The following SCHIP1 variants were observed in gnomAD, a reference collection of about 807,000 sequenced individuals.
SCHIP1 encodes schwannomin interacting protein 1.
A neutral mutation model predicts 29.7 loss-of-function variants in SCHIP1; 8 were observed. That is an observed-to-expected ratio of 0.27 (90% CI 0.16 to 0.49). The LOEUF (loss-of-function observed/expected upper bound fraction) is 0.49, where lower values mean the gene tolerates loss of function less well. Ranked by LOEUF, SCHIP1 falls within the 20% of genes least tolerant of loss-of-function variation. The pLI is 0.99. For synonymous variants in SCHIP1, 76 were observed against 94.9 expected, an observed-to-expected ratio of 0.80 and a Z score of 1.16; for missense variants, 193 against 294.6, an observed-to-expected ratio of 0.66 and a Z score of 2.52.
chr3:159,500,957 T>G, the SCHIP1 span, among the ~76,000 whole-genome samples: 1 of 152,202 alleles, frequency 6.6e-6, no homozygotes, highest in Non-Finnish European at 1.5e-5. Flanking sequence ...AAATTAGGCC[T>G]TAATTCTTTT....
the SCHIP1 span, among the ~76,000 whole-genome samples, chr3:159,378,677 C>G: frequency 3.6e-3 from 545 of 152,282 alleles, 2 homozygotes; most frequent in African/African-American, 0.012. Flanking sequence ...TTAGCTCTCT[C>G]AGGCAGAAAA....
the SCHIP1 span, among the ~76,000 whole-genome samples, chr3:159,448,916 T>C: frequency 1.3e-5 from 2 of 152,222 alleles, no homozygotes. Flanking sequence ...TCTGACTTTT[T>C]ATATAACACT....
the SCHIP1 span, among the ~76,000 whole-genome samples, chr3:159,552,173 G>C: frequency 6.6e-6 from 1 of 150,958 alleles, no homozygotes; most frequent in Non-Finnish European, 1.5e-5. Context: ...AGCCTCCCAA[G>C]TAGCTGGGAT....
chr3:159,315,202 T>C, the SCHIP1 span, among the ~76,000 whole-genome samples: 3 of 145,138 alleles, frequency 2.1e-5, no homozygotes, highest in Admixed American at 6.8e-5. Context: ...GACTTCTTTT[T>C]TTTTTTTTTT....
chr3:159,397,683 G>C, the SCHIP1 span, among the ~76,000 whole-genome samples: 8 of 152,326 alleles, frequency 5.3e-5, no homozygotes, highest in African/African-American at 1.4e-4. Flanking sequence ...CCCGTTCTCA[G>C]ATCTCCAGCT....
chr3:159,866,261 G>A lies in SCHIP1; in HGVS notation c.129G>A (p.Gly43=), dbSNP rs17853662. 99 of 1,613,640 alleles carry A rather than the reference G, an allele frequency of 6.1e-5. No individual in the cohort carries two copies. In the South Asian group the frequency reaches 9.9e-4, roughly 16 times the overall value. Residue 43 remains glycine (G), a synonymous_variant, in exon 2 of 7, where the codon GGG becomes GGA. Transcript: ENST00000445224. ...TTTATACCAGCTGTAGCAAAAGTGG[G>A]AAGCCAAGCCTTTCCTCCCGGTGAG...
At chr3:159,483,855 A>G in the SCHIP1 span, among the ~76,000 whole-genome samples, 4 of 152,188 alleles carry the variant, frequency 2.6e-5, no homozygotes, top group Non-Finnish European at 5.9e-5. Context: ...GATAGTAACC[A>G]TTATTATTAC....
the SCHIP1 span, among the ~76,000 whole-genome samples, chr3:159,445,769 C>T: frequency 5.3e-5 from 8 of 149,800 alleles, no homozygotes; most frequent in African/African-American, 2.0e-4. Flanking sequence ...AGTAAACTAT[C>T]GCAAGGACAA....
At chr3:159,532,578 T>C in the SCHIP1 span, among the ~76,000 whole-genome samples, 1 of 152,190 alleles carries the variant, frequency 6.6e-6, no homozygotes, top group Admixed American at 6.5e-5. Flanking sequence ...AGAAACAAAG[T>C]AAATGTAATG....
At chr3:159,546,626 C>G in the SCHIP1 span, among the ~76,000 whole-genome samples, 1 of 152,036 alleles carries the variant, frequency 6.6e-6, no homozygotes, top group Non-Finnish European at 1.5e-5. Flanking sequence ...CCTGTGTCCA[C>G]GTGTTCTCAT....
In SCHIP1 at chr3:159,876,273, A is replaced by G. The variant is rs115149652; in HGVS notation, c.150-9934A>G. 6.2e-3 allele frequency among the ~76,000 whole-genome samples: 949 copies of G among 152,246 alleles called. 10 individuals are homozygous for G. Among genetic ancestry groups the G allele is most frequent in the African/African-American group, 0.022 (913 of 41,544 alleles). On this transcript the variant is annotated intron_variant, in intron 2 of 6. Coordinates refer to ENST00000445224, the Ensembl canonical transcript of SCHIP1. ...AATCACCATGCTTTTTCACTTATCA[A>G]CATGTTTCGGGTCTGTTCACTAGGC... is the stretch of plus-strand genomic sequence containing the variant.
chr3:159,474,548 G>A, the SCHIP1 span, among the ~76,000 whole-genome samples: 2 of 151,904 alleles, frequency 1.3e-5, no homozygotes, highest in Non-Finnish European at 2.9e-5. Context: ...CTCTCTAAAC[G>A]GTATCCAGAT....
the SCHIP1 span, among the ~76,000 whole-genome samples, chr3:159,586,012 G>A: frequency 6.6e-6 from 1 of 152,026 alleles, no homozygotes; most frequent in Non-Finnish European, 1.5e-5. Context: ...GTTTCAGGCT[G>A]GCTGTTACAT....
the SCHIP1 span, chr3:159,401,262 G>A: frequency 1.1e-6 from 1 of 878,650 alleles, no homozygotes. Context: ...CAGGTTTCTA[G>A]TAAATGCTGA....
the SCHIP1 span, among the ~76,000 whole-genome samples, chr3:159,284,759 A>G: frequency 6.6e-6 from 1 of 152,082 alleles, no homozygotes; most frequent in African/African-American, 2.4e-5. Flanking sequence ...GGCCTCCCAA[A>G]GTGTTGGGAT....
chr3:159,578,825 A>G, the SCHIP1 span, among the ~76,000 whole-genome samples: 10 of 152,006 alleles, frequency 6.6e-5, no homozygotes, highest in African/African-American at 2.4e-4. Context: ...TCTTATAAGA[A>G]CCCTAGTGAT....
the SCHIP1 span, among the ~76,000 whole-genome samples, chr3:159,431,019 A>G: frequency 6.6e-6 from 1 of 152,212 alleles, no homozygotes; most frequent in Non-Finnish European, 1.5e-5. Context: ...CCTTAGGACC[A>G]GGACCTTCAA....
chr3:159,701,440 G>T, the SCHIP1 span, among the ~76,000 whole-genome samples: 1 of 152,068 alleles, frequency 6.6e-6, no homozygotes, highest in Non-Finnish European at 1.5e-5. Context: ...AATTTTCAAA[G>T]AAATAGGTAC....
chr3:159,508,488 G>A, the SCHIP1 span, among the ~76,000 whole-genome samples: 1 of 152,126 alleles, frequency 6.6e-6, no homozygotes, highest in Non-Finnish European at 1.5e-5. Flanking sequence ...TCTGATCTTA[G>A]TTATTTCTTG....
Sources: gnomAD v4.1 joint callset for allele counts (sites outside exome capture counted in the v4.1 genomes callset) on GRCh38, gnomAD v4.1.1 for gene constraint, MANE v1.5 for transcripts, NCBI Gene and HGNC (gene_info 2026-07-23, HGNC 2026-07-21) for gene names.